The following ARMH4 variants were observed in gnomAD, a reference collection of about 807,000 sequenced individuals.
ARMH4 encodes the protein armadillo like helical domain containing 4.
ARMH4 carries 49 observed loss-of-function variants against 61.9 expected under a neutral mutation model. That is an observed-to-expected ratio of 0.79 (90% CI 0.63 to 1.00). ARMH4 has a LOEUF of 1.00. Ranked by LOEUF, ARMH4 falls within the 50% of genes least tolerant of loss-of-function variation. The probability of loss-of-function intolerance (pLI) is 0.00; values close to 1 mark genes in which losing one functional copy is unlikely to be tolerated. For synonymous variants in ARMH4, 368 were observed against 341.5 expected (o/e 1.08, Z -0.85); for missense variants, 934 against 930.0 (o/e 1.00, Z -0.06).
chr14:58,060,461 CTT>C (rs1423053889), intron 5 of ARMH4, among the ~76,000 whole-genome samples: 3 of 152,160 alleles, frequency 2.0e-5, no homozygotes, highest in African/African-American at 7.2e-5. Context: ...GATATAAAGA[CTT>C]TGAAAATAAC....
At chr14:58,116,791 T>C (rs1246564268) in intron 4 of ARMH4, among the ~76,000 whole-genome samples, 1 of 152,246 alleles carries the variant, frequency 6.6e-6, no homozygotes, top group African/African-American at 2.4e-5. Context: ...AAGCTGAAGA[T>C]ACCGATTTAC....
At chr14:58,098,390 G>T (rs1885835079) in intron 4 of ARMH4, among the ~76,000 whole-genome samples, 1 of 152,184 alleles carries the variant, frequency 6.6e-6, no homozygotes, top group African/African-American at 2.4e-5. Flanking sequence ...TAACGTCTCT[G>T]CCTTCGTGGA....
chr14:58,088,741 TC>T (rs1885462017), intron 5 of ARMH4, among the ~76,000 whole-genome samples: 1 of 152,218 alleles, frequency 6.6e-6, no homozygotes, highest in Non-Finnish European at 1.5e-5. Context: ...GAAAATTAAA[TC>T]ATGAATATTG....
chr14:58,074,984 A>T (rs969696105), intron 5 of ARMH4, among the ~76,000 whole-genome samples: 5 of 152,188 alleles, frequency 3.3e-5, no homozygotes, highest in Admixed American at 1.3e-4. Flanking sequence ...TCTGCAGCCA[A>T]CAAACATATG....
At chr14:58,051,444 C>T (rs1336600384) in intron 5 of ARMH4, among the ~76,000 whole-genome samples, 1 of 152,182 alleles carries the variant, frequency 6.6e-6, no homozygotes, top group Non-Finnish European at 1.5e-5. Flanking sequence ...CATGGCACAC[C>T]ACTGGTCTAG....
rs545393178 is a variant in ARMH4 at position 58,011,439 on chromosome 14, C to T, written c.2121+680G>A. Reference sequence around the variant, plus strand: ...GAAAAGATTTCCATTTAGCTGAAATCCCAGTGAAATCTGAGCTGGGCTGTA... The same window carrying T: ...GAAAAGATTTCCATTTAGCTGAAATTCCAGTGAAATCTGAGCTGGGCTGTA... On this transcript the variant is annotated intron_variant, in intron 6 of 7. Coordinates refer to ENST00000267485, the MANE Select transcript of ARMH4 (RefSeq NM_001001872.4). Among the ~76,000 whole-genome samples the T allele has an allele frequency of 4.6e-5, 7 of 152,038 alleles. No homozygotes were observed. The South Asian group carries it at 1.0e-3, about 22-fold the overall frequency.
At position 58,042,415 on chromosome 14, in the gene ARMH4, C is replaced by T. The variant is rs371425921; in HGVS notation, c.2090-30265G>A. On this transcript the variant is annotated intron_variant, in intron 5 of 7. Transcript: ENST00000267485. Reference sequence around the variant, plus strand: ...TTTAAAACCAATGAGAACAAAGACACAACATACCAGAATCTCTGGGACACA... The same window carrying T: ...TTTAAAACCAATGAGAACAAAGACATAACATACCAGAATCTCTGGGACACA... Among the ~76,000 whole-genome samples the T allele has an allele frequency of 6.5e-3, 988 of 152,216 alleles. 11 individuals are homozygous for T. Among genetic ancestry groups the T allele is most frequent in the African/African-American group, 0.022 (906 of 41,542 alleles).
intron 5 of ARMH4, among the ~76,000 whole-genome samples, chr14:58,091,411 T>G (rs1345216111): frequency 6.6e-6 from 1 of 152,210 alleles, no homozygotes; most frequent in Non-Finnish European, 1.5e-5. Context: ...ACTGGGGTTC[T>G]GCATCAATAG....
chr14:58,059,428 G>A (rs780389897), intron 5 of ARMH4, among the ~76,000 whole-genome samples: 22 of 152,182 alleles, frequency 1.4e-4, no homozygotes, highest in Non-Finnish European at 1.8e-4. Flanking sequence ...AGAAGAGCCC[G>A]GCAAGGATGC....
intron 5 of ARMH4, among the ~76,000 whole-genome samples, chr14:58,084,061 A>T (rs902518649): frequency 6.6e-6 from 1 of 152,224 alleles, no homozygotes; most frequent in Non-Finnish European, 1.5e-5. Flanking sequence ...GTGTTTTGAT[A>T]CAGTGAGGGG....
chr14:58,062,828 C>A (rs1186798027), intron 5 of ARMH4, among the ~76,000 whole-genome samples: 1 of 152,184 alleles, frequency 6.6e-6, no homozygotes, highest in African/African-American at 2.4e-5. Context: ...TGGGAGGTTA[C>A]TGAAGACCTC....
chr14:58,077,043 T>C (rs893809196), intron 5 of ARMH4, among the ~76,000 whole-genome samples: 2 of 152,100 alleles, frequency 1.3e-5, no homozygotes, highest in Non-Finnish European at 2.9e-5. Context: ...CAGTGGGCCC[T>C]CCATACCACA....
At chr14:58,020,240 G>T (rs11849665) in intron 5 of ARMH4, among the ~76,000 whole-genome samples, 1 of 152,194 alleles carries the variant, frequency 6.6e-6, no homozygotes, top group Non-Finnish European at 1.5e-5. Flanking sequence ...CTGGGGAGGG[G>T]TGAGGGCAGG....
chr14:58,101,223 A>G lies in ARMH4; in HGVS notation c.1832-4242T>C, dbSNP rs114917746. The G allele has an allele frequency of 5.2e-3, 793 of 152,402 alleles. 14 individuals are homozygous for G. Among genetic ancestry groups the G allele is most frequent in the African/African-American group, 0.018 (753 of 41,544 alleles). The allele number at this position is 152,402 out of a possible 1,614,324, so 9.4% of individuals were successfully genotyped here. Reference sequence around the variant, plus strand: ...AGCACCATACATGAGACTGTTTACAAATTGGTATCAGGTCTCCAAGAAGCA... The same window carrying G: ...AGCACCATACATGAGACTGTTTACAGATTGGTATCAGGTCTCCAAGAAGCA... On this transcript the variant is annotated intron_variant, in intron 4 of 7. Coordinates refer to ENST00000267485, the MANE Select transcript of ARMH4 (RefSeq NM_001001872.4).
intron 5 of ARMH4, among the ~76,000 whole-genome samples, chr14:58,044,527 G>A (rs1275542880): frequency 6.6e-6 from 1 of 152,170 alleles, no homozygotes; most frequent in East Asian, 1.9e-4. Context: ...AGAAAACCTA[G>A]GCAATACCAT....
chr14:58,133,019 A>G, intron 3 of ARMH4, 71 bp downstream of exon 3: 1 of 1,557,002 alleles, frequency 6.4e-7, no homozygotes. Context: ...TGCCTCACTC[A>G]TTCTATTCCT....
At chr14:58,089,186 T>C (rs1049660633) in intron 5 of ARMH4, among the ~76,000 whole-genome samples, 3 of 152,228 alleles carry the variant, frequency 2.0e-5, no homozygotes, top group Admixed American at 1.3e-4. Flanking sequence ...TCTTGGCAGC[T>C]TCGAGCAAAC....
intron 5 of ARMH4, among the ~76,000 whole-genome samples, chr14:58,090,566 G>C (rs1052389283): frequency 6.6e-6 from 1 of 152,036 alleles, no homozygotes; most frequent in African/African-American, 2.4e-5. Flanking sequence ...ATTCTCGAAA[G>C]GCTGCCTCTC....
chr14:58,055,436 T>C lies in ARMH4; in HGVS notation c.2089+41288A>G, dbSNP rs372442373. Among the ~76,000 whole-genome samples the C allele has an allele frequency of 3.9e-5, 6 of 152,236 alleles. No individual in the cohort carries two copies. The East Asian group carries it at 9.6e-4, about 24-fold the overall frequency. The stretch of plus-strand genomic sequence containing the variant: ...ATAGGAGAAGATGAGGTAGAATAAA[T>C]AGGGCTCTTTCCTGGGTGTCAGGAT... On this transcript the variant is annotated intron_variant, in intron 5 of 7. Transcript: ENST00000267485.
Sources: gnomAD v4.1 joint callset for allele counts (sites outside exome capture counted in the v4.1 genomes callset) on GRCh38, gnomAD v4.1.1 for gene constraint, MANE v1.5 for transcripts, NCBI Gene and HGNC (gene_info 2026-07-23, HGNC 2026-07-21) for gene names.